Variants in ARFGEF1 observed in about 807,000 individuals in gnomAD.
ARFGEF1 encodes the protein ARF guanine nucleotide exchange factor 1.
A neutral mutation model predicts 231.0 loss-of-function variants in ARFGEF1; 42 were observed. The observed-to-expected ratio is 0.18, with a 90% CI of 0.14 to 0.24. The LOEUF is 0.24. ARFGEF1 is among the 10% of genes least tolerant of loss of function. The pLI is 1.00. For synonymous variants in ARFGEF1, 710 were observed against 732.3 expected (o/e 0.97, Z 0.49); for missense variants, 1,345 against 2,192.0 (o/e 0.61, Z 7.72).
chr8:67,214,876 C>T (rs1838872051), intron 33 of ARFGEF1, among the ~76,000 whole-genome samples: 2 of 152,156 alleles, frequency 1.3e-5, no homozygotes, highest in Admixed American at 1.3e-4. Flanking sequence ...TACAAACGTG[C>T]TAACCTTTAA....
downstream of ARFGEF1, among the ~76,000 whole-genome samples, chr8:67,192,753 T>C (rs767002519): frequency 3.9e-5 from 6 of 152,232 alleles, no homozygotes; most frequent in African/African-American, 7.2e-5. Flanking sequence ...TCTAGCAGCA[T>C]TTGTTTAAAG....
intron 5 of ARFGEF1, among the ~76,000 whole-genome samples, chr8:67,176,334 G>T (rs1831624317): frequency 6.6e-6 from 1 of 152,182 alleles, no homozygotes; most frequent in Non-Finnish European, 1.5e-5. Context: ...GGTCTGGCTT[G>T]CAGAATCTGA....
intron 33 of ARFGEF1, among the ~76,000 whole-genome samples, chr8:67,216,363 G>A (rs553852787): frequency 5.3e-5 from 8 of 152,146 alleles, no homozygotes; most frequent in East Asian, 3.9e-4. Context: ...ATGCAGCAAC[G>A]TGGTGCCATC....
At chr8:67,246,352 A>G (rs910612621) in intron 19 of ARFGEF1, among the ~76,000 whole-genome samples, 4 of 150,666 alleles carry the variant, frequency 2.7e-5, no homozygotes, top group African/African-American at 9.9e-5. Context: ...AGGATAGACC[A>G]TATGTTAGGA....
At chr8:67,191,646 C>T (rs981186345) in intron 5 of ARFGEF1, among the ~76,000 whole-genome samples, 12 of 152,100 alleles carry the variant, frequency 7.9e-5, no homozygotes, top group African/African-American at 2.7e-4. Context: ...TATTAGTATC[C>T]CACATTTTGT....
chr8:67,217,971 C>T (rs928424234), intron 31 of ARFGEF1, 32 bp downstream of exon 31: 19 of 1,611,874 alleles, frequency 1.2e-5, no homozygotes, highest in South Asian at 2.2e-5. Flanking sequence ...TCACATTTAA[C>T]ACTTTGTGTC....
intron 15 of ARFGEF1, among the ~76,000 whole-genome samples, chr8:67,258,600 G>A (rs1840539899): frequency 1.3e-5 from 2 of 152,056 alleles, no homozygotes; most frequent in African/African-American, 4.8e-5. Context: ...GGGATTACAG[G>A]CATGAGCCAC....
chr8:67,239,604 T>C (rs112874021), intron 20 of ARFGEF1, among the ~76,000 whole-genome samples: 95 of 152,296 alleles, frequency 6.2e-4, no homozygotes, highest in African/African-American at 2.1e-3. Context: ...GATTTATACA[T>C]TTGCTCATTT....
intron 29 of ARFGEF1, 117 bp downstream of exon 29, chr8:67,224,786 T>G (rs1839316327): frequency 1.7e-6 from 1 of 604,370 alleles, no homozygotes; most frequent in African/African-American, 1.9e-5. Context: ...AATTAATATA[T>G]TTGACAAAAC....
chr8:67,289,459 TG>T (rs1296253657), intron 6 of ARFGEF1, among the ~76,000 whole-genome samples: 2 of 141,798 alleles, frequency 1.4e-5, no homozygotes, highest in Admixed American at 1.6e-4. Context: ...GAGGCTAAGA[TG>T]GAAGGATCGC....
intron 7 of ARFGEF1, among the ~76,000 whole-genome samples, chr8:67,280,820 C>T (rs1419647208): frequency 2.6e-5 from 4 of 152,108 alleles, no homozygotes; most frequent in African/African-American, 7.2e-5. Context: ...AAAACATATA[C>T]AATTACTGAG....
intron 1 of ARFGEF1, among the ~76,000 whole-genome samples, chr8:67,310,714 A>G (rs1253735376): frequency 1.4e-5 from 2 of 140,134 alleles, no homozygotes; most frequent in African/African-American, 2.7e-5. Flanking sequence ...CCGCCGCCCA[A>G]TCTGGGATGT....
chr8:67,304,527 C>T (rs926772209), intron 1 of ARFGEF1, among the ~76,000 whole-genome samples: 3 of 152,204 alleles, frequency 2.0e-5, no homozygotes, highest in Non-Finnish European at 4.4e-5. Flanking sequence ...ATCTTTATCA[C>T]TTGAAAATAT....
In ARFGEF1 at chr8:67,198,993, C is replaced by T. The variant is rs750537195; in HGVS notation, c.5491G>A (p.Gly1831Arg). 3.1e-6 allele frequency: 5 copies of T among 1,612,496 alleles called. No homozygotes were observed. Among genetic ancestry groups the T allele is most frequent in the Non-Finnish European group, 3.4e-6 (4 of 1,179,602 alleles). The change falls in exon 39 of 39, where the codon GGA becomes AGA. Residue 1831 changes from glycine to arginine, a missense_variant. By Grantham distance (125) the Gly-to-Arg change is moderately radical (BLOSUM62 -2). This residue lies in a region of ARFGEF1 where 161 missense variants were observed against 284.9 expected (regional missense o/e 0.57). Coordinates refer to ENST00000262215, the MANE Select transcript of ARFGEF1 (RefSeq NM_006421.5). ...GGTTGTGATATCTGAAAAACTACTC[C>T]GATTCGCAGAAAAAATCTTCTAAGA... ...AVLRRFFLRI[G>R]VVFQISQPPE...
intron 22 of ARFGEF1, 32 bp from the exon 23 acceptor site, chr8:67,232,977 T>C (rs367813629): frequency 4.6e-6 from 7 of 1,526,934 alleles, no homozygotes; most frequent in Non-Finnish European, 4.5e-6. Flanking sequence ...CATTTCAGTT[T>C]GAAAATAATT....
chr8:67,190,795 G>C lies in ARFGEF1; in HGVS notation c.560+9601C>G, dbSNP rs768515429. 6.2e-6 allele frequency: 9 copies of C among 1,452,176 alleles called. No homozygotes were observed. In the South Asian group the frequency reaches 9.1e-5, roughly 15 times the overall value. The allele number at this position is 1,452,176 out of a possible 1,614,324, so 90.0% of individuals were successfully genotyped here. A position where few individuals can be genotyped will look rare whatever the true frequency, so the allele number is the denominator to read the frequency against. ...GACTTTTCTCCCCCTTTTCAACTTA[G>C]AAGAATGAGAGGTCTGGGTTCTGAC... On this transcript the variant is annotated intron_variant, in intron 5 of 5. Transcript: ENST00000518789.
chr8:67,269,051 T>C (rs1455132260), intron 10 of ARFGEF1, among the ~76,000 whole-genome samples: 1 of 152,196 alleles, frequency 6.6e-6, no homozygotes, highest in Non-Finnish European at 1.5e-5. Context: ...TAAGATATTA[T>C]GCCTATCATA....
At chr8:67,272,624 C>T (rs1400466167) in intron 9 of ARFGEF1, among the ~76,000 whole-genome samples, 1 of 152,094 alleles carries the variant, frequency 6.6e-6, no homozygotes, top group Non-Finnish European at 1.5e-5. Context: ...GATTAAATGC[C>T]ATATTTAGTA....
intron 19 of ARFGEF1, 92 bp from the exon 20 acceptor site, chr8:67,240,382 AGAAAT>A (rs1012303847): frequency 8.1e-7 from 1 of 1,227,374 alleles, no homozygotes; most frequent in Non-Finnish European, 1.1e-6. Flanking sequence ...TCTGAAAAAA[AGAAAT>A]GAAATTCTTG....
Sources: gnomAD v4.1 joint callset for allele counts (sites outside exome capture counted in the v4.1 genomes callset) on GRCh38, gnomAD v4.1.1 for gene constraint, gnomAD v4.1.1 regional missense constraint, MANE v1.5 for transcripts, NCBI Gene and HGNC (gene_info 2026-07-23, HGNC 2026-07-21) for gene names.